The following SGCD variants were observed in gnomAD, a reference collection of about 807,000 sequenced individuals.
SGCD encodes delta-sarcoglycan.
SGCD carries 18 observed loss-of-function variants against 36.6 expected under a neutral mutation model. The observed-to-expected ratio is 0.49, with a 90% CI of 0.34 to 0.73. The LOEUF is 0.73. Among genes scored for constraint, SGCD ranks in the 30% least tolerant of loss-of-function variants. The pLI, the probability that SGCD is intolerant of heterozygous loss-of-function variation, is 0.01. For missense variants in SGCD, 387 were observed against 346.7 expected (o/e 1.12, Z -0.92); for synonymous variants, 133 against 130.6 (o/e 1.02, Z -0.12).
At chr5:155,890,202 CTG>C (rs944524248) in intron 1 of SGCD, among the ~76,000 whole-genome samples, 2 of 152,180 alleles carry the variant, frequency 1.3e-5, no homozygotes, top group African/African-American at 4.8e-5. Context: ...AACAGAAACT[CTG>C]TGCAGGCAGA....
At chr5:156,613,827 A>T (rs569270580) in intron 6 of SGCD, among the ~76,000 whole-genome samples, 7 of 152,314 alleles carry the variant, frequency 4.6e-5, no homozygotes, top group Non-Finnish European at 8.8e-5. Context: ...TTTTGCTGCA[A>T]CATAAATATA....
In SGCD at chr5:156,113,539, C is replaced by T. The variant is rs564877636; in HGVS notation, c.-281-4339C>T. Among the ~76,000 whole-genome samples the T allele has an allele frequency of 1.7e-3, 261 of 152,278 alleles. 3 individuals are homozygous for T. Among genetic ancestry groups the T allele is most frequent in the Non-Finnish European group, 2.3e-3 (154 of 68,034 alleles). ...ATTAATATCGTTTGTGTGTGATTTT[C>T]ACTTAGGTGATCATTTTTAAAATTG... On this transcript the variant is annotated intron_variant, in intron 1 of 9. Transcript: ENST00000517913.
chr5:156,157,909 AT>A (rs1029881711), intron 3 of SGCD, among the ~76,000 whole-genome samples: 1 of 151,746 alleles, frequency 6.6e-6, no homozygotes, highest in African/African-American at 2.4e-5. Flanking sequence ...TTATATCCAC[AT>A]TTTGAAATGA....
intron 4 of SGCD, among the ~76,000 whole-genome samples, chr5:156,550,446 C>T (rs1758746796): frequency 6.6e-6 from 1 of 152,216 alleles, no homozygotes; most frequent in African/African-American, 2.4e-5. Context: ...CCTGCTTACC[C>T]ATTCTCACTG....
intron 6 of SGCD, among the ~76,000 whole-genome samples, chr5:156,626,412 C>T (rs1255718228): frequency 6.6e-6 from 1 of 152,156 alleles, no homozygotes; most frequent in Non-Finnish European, 1.5e-5. Context: ...TCTCTCTAGC[C>T]TGAGCCTGGT....
intron 1 of SGCD, among the ~76,000 whole-genome samples, chr5:155,959,415 G>A (rs1339950971): frequency 6.6e-6 from 1 of 152,034 alleles, no homozygotes; most frequent in African/African-American, 2.4e-5. Context: ...TTTCCTAGTA[G>A]GTCCCAAACT....
At chr5:156,145,245 C>T (rs893875320) in intron 3 of SGCD, among the ~76,000 whole-genome samples, 4 of 152,180 alleles carry the variant, frequency 2.6e-5, no homozygotes, top group Non-Finnish European at 5.9e-5. Context: ...CTTTCTCTTT[C>T]ATTTCCTACT....
intron 1 of SGCD, among the ~76,000 whole-genome samples, chr5:156,101,344 T>G (rs1221620823): frequency 1.3e-5 from 2 of 152,194 alleles, no homozygotes; most frequent in Non-Finnish European, 2.9e-5. Context: ...TGAAACCTAT[T>G]TGGGTACATG....
chr5:156,103,780 G>A (rs572762375), intron 1 of SGCD, among the ~76,000 whole-genome samples: 29 of 152,158 alleles, frequency 1.9e-4, no homozygotes, highest in Non-Finnish European at 3.7e-4. Context: ...ATTTGCAAAT[G>A]TTGCCATGAG....
chr5:155,826,878 C>G, the SGCD span, among the ~76,000 whole-genome samples: 1 of 152,202 alleles, frequency 6.6e-6, no homozygotes, highest in Non-Finnish European at 1.5e-5. Flanking sequence ...GGGCTACAAC[C>G]AGTCTGCAGG....
At chr5:156,083,870 T>C (rs1761029929) in intron 1 of SGCD, among the ~76,000 whole-genome samples, 1 of 152,136 alleles carries the variant, frequency 6.6e-6, no homozygotes, top group South Asian at 2.1e-4. Context: ...ATTTGTTGAA[T>C]GGGCATTCTT....
the SGCD span, among the ~76,000 whole-genome samples, chr5:155,795,256 A>G: frequency 6.6e-6 from 1 of 152,174 alleles, no homozygotes; most frequent in African/African-American, 2.4e-5. Context: ...ATATAATTAA[A>G]TATTGACTGT....
chr5:156,609,083 C>G (rs1225195088), intron 6 of SGCD, among the ~76,000 whole-genome samples: 2 of 151,690 alleles, frequency 1.3e-5, no homozygotes, highest in Admixed American at 6.6e-5. Flanking sequence ...TTGATCCTGT[C>G]ATGATGATGT....
At chr5:155,865,843 T>G (rs1462173346), upstream of SGCD, among the ~76,000 whole-genome samples, 1 of 152,214 alleles carries the variant, frequency 6.6e-6, no homozygotes, top group Non-Finnish European at 1.5e-5. Context: ...AATTTTCACT[T>G]AATATATCAA....
At chr5:155,799,290 CTA>C in the SGCD span, among the ~76,000 whole-genome samples, 1 of 152,048 alleles carries the variant, frequency 6.6e-6, no homozygotes, top group Non-Finnish European at 1.5e-5. Flanking sequence ...CCTTTTCCTG[CTA>C]TTTTAGTAAA....
intron 1 of SGCD, among the ~76,000 whole-genome samples, chr5:155,887,453 C>T (rs889722815): frequency 1.3e-5 from 2 of 152,198 alleles, no homozygotes; most frequent in Admixed American, 1.3e-4. Context: ...CTCTTACCTT[C>T]CCTTTAGCGC....
intron 1 of SGCD, among the ~76,000 whole-genome samples, chr5:156,092,584 G>T (rs561261729): frequency 6.6e-6 from 1 of 152,248 alleles, no homozygotes; most frequent in East Asian, 1.9e-4. Context: ...GGTCTCTAAG[G>T]TTCTGTCTAC....
chr5:156,680,677 T>C lies in SGCD; in HGVS notation c.575+33141T>C, dbSNP rs961131930. The stretch of plus-strand genomic sequence containing the variant: ...CACCTAATACATGTGAAAGTCAGTC[T>C]TATAATAGGCCTATGTGAAAGGGGA... On this transcript the variant is annotated intron_variant, in intron 7 of 8. Transcript: ENST00000337851. 2.0e-5 allele frequency among the ~76,000 whole-genome samples: 3 copies of C among 152,138 alleles called. No individual in the cohort carries two copies. In the East Asian group the frequency reaches 5.8e-4, roughly 29 times the overall value.
chr5:156,024,286 T>C (rs1480810483), intron 1 of SGCD, among the ~76,000 whole-genome samples: 1 of 151,000 alleles, frequency 6.6e-6, no homozygotes, highest in Non-Finnish European at 1.5e-5. Flanking sequence ...GAAAATAGAG[T>C]GTAAATTGAA....
Sources: gnomAD v4.1 joint callset for allele counts (sites outside exome capture counted in the v4.1 genomes callset) on GRCh38, gnomAD v4.1.1 for gene constraint, MANE v1.5 for transcripts, NCBI Gene and HGNC (gene_info 2026-07-23, HGNC 2026-07-21) for gene names.